Variants in GDAP1 observed in about 807,000 individuals in gnomAD.
The protein encoded by GDAP1 is ganglioside induced differentiation associated protein 1.
In GDAP1, 34 loss-of-function variants were observed where a neutral mutation model predicts 40.1. The observed-to-expected ratio is 0.85, with a 90% CI of 0.64 to 1.13. The LOEUF is 1.13. GDAP1 is among the 50% of genes most tolerant of loss of function. The probability of loss-of-function intolerance (pLI) is 0.00; values close to 1 mark genes in which losing one functional copy is unlikely to be tolerated. For missense variants in GDAP1, 374 were observed against 433.7 expected (o/e 0.86, Z 1.22); for synonymous variants, 170 against 157.4 (o/e 1.08, Z -0.60).
intron 2 of GDAP1, among the ~76,000 whole-genome samples, chr8:74,381,288 G>A (rs1427864250): frequency 6.6e-6 from 1 of 151,996 alleles, no homozygotes; most frequent in East Asian, 1.9e-4. Context: ...TGGTAGCAGA[G>A]TTCGTAACAA....
At chr8:74,439,613 GT>G (rs796332721) in intron 2 of GDAP1, among the ~76,000 whole-genome samples, 1 of 149,278 alleles carries the variant, frequency 6.7e-6, no homozygotes. Context: ...TTGTTTGTTT[GT>G]TTTTTTTAAT....
intron 2 of GDAP1, among the ~76,000 whole-genome samples, chr8:74,474,272 G>A (rs1806597596): frequency 6.6e-6 from 1 of 152,014 alleles, no homozygotes. Context: ...TTCATATTTG[G>A]ATGCCCTTTA....
chr8:74,401,554 G>A (rs1304360708), intron 2 of GDAP1, among the ~76,000 whole-genome samples: 1 of 149,918 alleles, frequency 6.7e-6, no homozygotes, highest in Non-Finnish European at 1.5e-5. Context: ...CTCTCAACTC[G>A]TCAAAGTCAT....
chr8:74,431,704 A>T (rs1396989271), intron 2 of GDAP1, among the ~76,000 whole-genome samples: 1 of 151,910 alleles, frequency 6.6e-6, no homozygotes, highest in Middle Eastern at 3.2e-3. Flanking sequence ...GATGGTCTCG[A>T]TCTCCTGACC....
At chr8:74,387,693 C>T (rs574110359) in intron 2 of GDAP1, among the ~76,000 whole-genome samples, 15 of 152,278 alleles carry the variant, frequency 9.9e-5, no homozygotes, top group Admixed American at 7.2e-4. Flanking sequence ...ATGCTGGCCT[C>T]ATAAAATTAG....
chr8:74,369,509 A>G (rs1809712305), downstream of GDAP1, among the ~76,000 whole-genome samples: 1 of 152,182 alleles, frequency 6.6e-6, no homozygotes, highest in Non-Finnish European at 1.5e-5. Flanking sequence ...GGAAGATGGC[A>G]AAAGGAAGAT....
At chr8:74,393,409 A>G (rs970563828) in intron 2 of GDAP1, among the ~76,000 whole-genome samples, 4 of 152,334 alleles carry the variant, frequency 2.6e-5, no homozygotes, top group Non-Finnish European at 2.9e-5. Flanking sequence ...GGTATAAGAT[A>G]TGAATGAAAG....
At chr8:74,402,536 G>A (rs1207035905) in intron 2 of GDAP1, among the ~76,000 whole-genome samples, 5 of 150,144 alleles carry the variant, frequency 3.3e-5, no homozygotes, top group Non-Finnish European at 7.3e-5. Flanking sequence ...CCCTGCTTCG[G>A]CTCGCGCATG....
chr8:74,422,996 A>G (rs533270559), intron 2 of GDAP1, among the ~76,000 whole-genome samples: 2 of 149,048 alleles, frequency 1.3e-5, no homozygotes, highest in East Asian at 2.0e-4. Context: ...TGAACACCCA[A>G]TCTATGTAAA....
In GDAP1 at chr8:74,391,530, A is replaced by G. The variant is rs560916590; in HGVS notation, c.165+40209A>G. On this transcript the variant is annotated intron_variant, in intron 2 of 2. Coordinates refer to the GDAP1 transcript ENST00000523640. ...TGCACCCACTGTCTAACCTTTCCCAATGAGATGACCTGGGTACCTCAGTTG... is the reference window on the plus strand; with the variant it reads ...TGCACCCACTGTCTAACCTTTCCCAGTGAGATGACCTGGGTACCTCAGTTG... Among the ~76,000 whole-genome samples the G allele has an allele frequency of 5.3e-5, 8 of 151,548 alleles. No individual in the cohort carries two copies. In the South Asian group the frequency reaches 6.3e-4, roughly 12 times the overall value.
In GDAP1 at chr8:74,365,162, C is replaced by T. The variant is rs1016965521; in HGVS notation, c.*795C>T. On this transcript the variant is annotated 3_prime_UTR_variant, in exon 6 of 6. Transcript: ENST00000220822. ...ATGTCCCAGCTAATCACTAGCATGTCTAGGTATTGGCTGGGTAGTGGGTAT... is the reference window on the plus strand; with the variant it reads ...ATGTCCCAGCTAATCACTAGCATGTTTAGGTATTGGCTGGGTAGTGGGTAT... The T allele has an allele frequency of 2.9e-5, 13 of 454,028 alleles. 1 individual carries two copies. The highest frequency in any genetic ancestry group is 2.8e-4 in the Admixed American group (12 of 42,564). 28.1% of individuals were successfully genotyped at this position (454,028 alleles called of 1,614,324 possible).
At chr8:74,391,070 G>C (rs1810101156) in intron 2 of GDAP1, among the ~76,000 whole-genome samples, 1 of 152,156 alleles carries the variant, frequency 6.6e-6, no homozygotes, top group Non-Finnish European at 1.5e-5. Flanking sequence ...AGACTGCTGT[G>C]CTGGCAGGAA....
intron 2 of GDAP1, among the ~76,000 whole-genome samples, chr8:74,416,590 C>T (rs1805782194): frequency 6.7e-6 from 1 of 150,120 alleles, no homozygotes; most frequent in Non-Finnish European, 1.5e-5. Flanking sequence ...TATTTATAAC[C>T]AAGGAACCTC....
intron 2 of GDAP1, among the ~76,000 whole-genome samples, chr8:74,433,024 A>G (rs1393575547): frequency 6.6e-6 from 1 of 152,138 alleles, no homozygotes; most frequent in Non-Finnish European, 1.5e-5. Flanking sequence ...AGGCAATTAT[A>G]TTCTTCAGTA....
Position 74,397,196 on chromosome 8 carries a change from T to TG in GDAP1, c.165+45878dup, listed in dbSNP as rs200117731. ...TTCATGTCCTTTGCCCGCTTTTTGA[T>TG]GGGTTTTTTTTTTTTTTTCTTGTAA... On this transcript the variant is annotated intron_variant, in intron 2 of 2. Coordinates refer to the GDAP1 transcript ENST00000523640. Among the ~76,000 whole-genome samples the TG allele has an allele frequency of 4.2e-5, 4 of 94,910 alleles. No homozygotes were observed. In the South Asian group the frequency reaches 1.0e-3, roughly 24 times the overall value. 62.3% of individuals were successfully genotyped at this position (94,910 alleles called of 152,430 possible). A position where few individuals can be genotyped will look rare whatever the true frequency, so the allele number is the denominator to read the frequency against.
intron 2 of GDAP1, among the ~76,000 whole-genome samples, chr8:74,375,458 A>G (rs1809837538): frequency 6.6e-6 from 1 of 152,232 alleles, no homozygotes; most frequent in African/African-American, 2.4e-5. Flanking sequence ...AGTTCATATA[A>G]TGGTTGCAAA....
At chr8:74,362,082 A>C in intron 4 of GDAP1, 104 bp downstream of exon 4, 1 of 725,216 alleles carries the variant, frequency 1.4e-6, no homozygotes, top group Non-Finnish European at 2.5e-6. Flanking sequence ...TAAATATTGC[A>C]GTTCACCAGT....
intron 2 of GDAP1, among the ~76,000 whole-genome samples, chr8:74,444,939 A>G (rs1054709799): frequency 6.6e-6 from 1 of 152,208 alleles, no homozygotes; most frequent in Non-Finnish European, 1.5e-5. Context: ...TTTTAGTCAA[A>G]GAAAAATAAA....
intron 2 of GDAP1, among the ~76,000 whole-genome samples, chr8:74,437,297 A>C (rs973744896): frequency 6.6e-6 from 1 of 152,164 alleles, no homozygotes; most frequent in African/African-American, 2.4e-5. Flanking sequence ...GGCCCCTAAA[A>C]TTTAAGTGAC....
Sources: allele counts gnomAD v4.1 joint callset (sites outside exome capture counted in the v4.1 genomes callset), GRCh38; gene constraint gnomAD v4.1.1; transcripts MANE v1.5; gene names NCBI Gene and HGNC (gene_info 2026-07-23, HGNC 2026-07-21).